CNTN5: variants seen among roughly 807,000 people sequenced by gnomAD.
The protein encoded by CNTN5 is contactin-5.
CNTN5 carries 77 observed loss-of-function variants against 129.1 expected under a neutral mutation model. That is an observed-to-expected ratio of 0.60 (90% confidence interval 0.50 to 0.72). The LOEUF (loss-of-function observed/expected upper bound fraction) is 0.72. Among genes scored for constraint, CNTN5 ranks in the 30% least tolerant of loss-of-function variants. The probability of loss-of-function intolerance (pLI) is 0.00; values close to 1 mark genes in which losing one functional copy is unlikely to be tolerated. For missense variants in CNTN5, 1,478 were observed against 1,328.8 expected (o/e 1.11, Z -1.75); for synonymous variants, 509 against 465.6 (o/e 1.09, Z -1.20).
chr11:100,264,885 C>T (rs989203458), intron 17 of CNTN5, among the ~76,000 whole-genome samples: 3 of 152,130 alleles, frequency 2.0e-5, no homozygotes, highest in Non-Finnish European at 4.4e-5. Flanking sequence ...CACAGCCTCA[C>T]CAACATCTGT....
intron 13 of CNTN5, among the ~76,000 whole-genome samples, chr11:100,125,040 C>T (rs1565264101): frequency 6.6e-6 from 1 of 151,928 alleles, no homozygotes; most frequent in Non-Finnish European, 1.5e-5. Context: ...CAGGTGATTG[C>T]CAATGCTATT....
intron 9 of CNTN5, among the ~76,000 whole-genome samples, chr11:100,026,233 C>T (rs564537562): frequency 6.6e-6 from 1 of 152,070 alleles, no homozygotes; most frequent in Admixed American, 6.5e-5. Context: ...TTGCTCCACA[C>T]TTCTTCTTCC....
intron 1 of CNTN5, among the ~76,000 whole-genome samples, chr11:99,127,556 C>G (rs987447409): frequency 2.6e-5 from 4 of 152,198 alleles, no homozygotes; most frequent in Non-Finnish European, 4.4e-5. Flanking sequence ...CAGTCCTCTT[C>G]AAGATCTCAC....
intron 3 of CNTN5, among the ~76,000 whole-genome samples, chr11:99,675,109 C>G (rs1026724979): frequency 6.6e-6 from 1 of 152,118 alleles, no homozygotes; most frequent in African/African-American, 2.4e-5. Flanking sequence ...CTCTATTGTT[C>G]ATCCTACTAA....
intron 1 of CNTN5, among the ~76,000 whole-genome samples, chr11:99,251,461 T>A (rs1862099559): frequency 6.6e-6 from 1 of 151,860 alleles, no homozygotes; most frequent in Non-Finnish European, 1.5e-5. Flanking sequence ...GTTATAGAAA[T>A]AGTATCTTCC....
At chr11:99,536,483 G>C (rs1192165270) in intron 2 of CNTN5, among the ~76,000 whole-genome samples, 1 of 152,056 alleles carries the variant, frequency 6.6e-6, no homozygotes, top group Non-Finnish European at 1.5e-5. Context: ...TGAACTTACA[G>C]AGTAGCATGT....
At chr11:99,807,002 A>C (rs1946292671) in intron 3 of CNTN5, among the ~76,000 whole-genome samples, 1 of 152,142 alleles carries the variant, frequency 6.6e-6, no homozygotes, top group Non-Finnish European at 1.5e-5. Flanking sequence ...TGCTTTTAAG[A>C]ATCAAGGAAA....
At chr11:99,273,861 T>C (rs1163207481) in intron 1 of CNTN5, among the ~76,000 whole-genome samples, 2 of 151,688 alleles carry the variant, frequency 1.3e-5, no homozygotes, top group Non-Finnish European at 2.9e-5. Context: ...TTTTCTGTTT[T>C]TTATCAGTTT....
intron 3 of CNTN5, among the ~76,000 whole-genome samples, chr11:99,802,160 A>G (rs1218989): frequency 1 from 152,357 of 152,358 alleles, 76,178 homozygotes; most frequent in Non-Finnish European, 1. Flanking sequence ...ATAGACCTAT[A>G]TTTTTCTGTC....
At chr11:99,200,623 A>G (rs1247750961) in intron 1 of CNTN5, among the ~76,000 whole-genome samples, 1 of 152,232 alleles carries the variant, frequency 6.6e-6, no homozygotes, top group Non-Finnish European at 1.5e-5. Flanking sequence ...CCAATATGGA[A>G]TAAAGTACTT....
At chr11:99,254,753 T>C (rs1233771387) in intron 1 of CNTN5, among the ~76,000 whole-genome samples, 4 of 151,996 alleles carry the variant, frequency 2.6e-5, no homozygotes, top group African/African-American at 7.2e-5. Flanking sequence ...TATGCTATCA[T>C]TTAATTAACT....
intron 3 of CNTN5, among the ~76,000 whole-genome samples, chr11:99,624,305 G>T (rs639654): frequency 0.45 from 67,580 of 151,638 alleles, 15,420 homozygotes; most frequent in Admixed American, 0.59. Context: ...ATAAAAGTAC[G>T]GCCTGTATTA....
At chr11:99,703,722 A>G (rs1208221709) in intron 3 of CNTN5, among the ~76,000 whole-genome samples, 1 of 151,002 alleles carries the variant, frequency 6.6e-6, no homozygotes, top group Non-Finnish European at 1.5e-5. Flanking sequence ...TATGATGCTT[A>G]TATTGATAAG....
intron 13 of CNTN5, among the ~76,000 whole-genome samples, chr11:100,080,599 T>C (rs1447740017): frequency 1.3e-5 from 2 of 152,190 alleles, no homozygotes; most frequent in Non-Finnish European, 2.9e-5. Flanking sequence ...ATTTTATCTA[T>C]GGAAGAAGAA....
chr11:100,084,330 C>T (rs547904435), intron 13 of CNTN5, among the ~76,000 whole-genome samples: 1 of 152,130 alleles, frequency 6.6e-6, no homozygotes, highest in South Asian at 2.1e-4. Flanking sequence ...CTAACTGATT[C>T]GACTACCTCC....
chr11:99,027,808 A>T (rs935915069), intron 1 of CNTN5, among the ~76,000 whole-genome samples: 1 of 151,684 alleles, frequency 6.6e-6, no homozygotes, highest in Admixed American at 6.6e-5. Context: ...CAAGCAATTT[A>T]TGTGTTTGGG....
At chr11:99,589,551 A>G (rs1565327111) in intron 3 of CNTN5, among the ~76,000 whole-genome samples, 1 of 152,192 alleles carries the variant, frequency 6.6e-6, no homozygotes, top group Admixed American at 6.5e-5. Context: ...GATCTTGGGA[A>G]TATGTTTTCT....
intron 3 of CNTN5, among the ~76,000 whole-genome samples, chr11:99,645,121 G>A (rs1298875762): frequency 2.5e-5 from 3 of 120,840 alleles, no homozygotes; most frequent in South Asian, 2.6e-4. Context: ...AAAGCCAGGC[G>A]TGATGCTGGG....
chr11:99,924,997 A>G (rs537007974), intron 7 of CNTN5, among the ~76,000 whole-genome samples: 49 of 152,306 alleles, frequency 3.2e-4, no homozygotes, highest in Non-Finnish European at 5.9e-4. Context: ...ATGAAGTCTT[A>G]TATATCTATA....
Sources: allele counts gnomAD v4.1 joint callset (sites outside exome capture counted in the v4.1 genomes callset), GRCh38; gene constraint gnomAD v4.1.1; transcripts MANE v1.5; gene names NCBI Gene and HGNC (gene_info 2026-07-23, HGNC 2026-07-21).